ATAT1: variants seen among roughly 807,000 people sequenced by gnomAD.
ATAT1 encodes the protein alpha tubulin acetyltransferase 1.
ATAT1 carries 42 observed loss-of-function variants against 57.2 expected under a neutral mutation model. The ratio of observed to expected loss-of-function variants is 0.73; its 90% CI spans 0.57 to 0.95. The LOEUF (loss-of-function observed/expected upper bound fraction) is 0.95. ATAT1 is among the 40% of genes least tolerant of loss of function. ATAT1 has a pLI of 0.00. For synonymous variants in ATAT1, 168 were observed against 187.1 expected (o/e 0.90, Z 0.83); for missense variants, 454 against 523.7 (o/e 0.87, Z 1.30).
chr6:30,627,782 T>TC lies in ATAT1; in HGVS notation c.224+60dup, dbSNP rs1340853122. The stretch of plus-strand genomic sequence containing the variant: ...CTTAATTCCTTCCTTCCTCAGCCCT[T>TC]CCCCCATCTTTGACTATCTCTTGCA... On this transcript the variant is annotated intron_variant, in intron 3 of 12. Transcript: ENST00000330083. The TC allele has an allele frequency of 4.4e-6, 7 of 1,604,364 alleles. No homozygotes were observed. In the East Asian group the frequency reaches 1.6e-4, roughly 36 times the overall value.
chr6:30,630,943 CAAAA>C, intron 6 of ATAT1, among the ~76,000 whole-genome samples: 1 of 112,292 alleles, frequency 8.9e-6, no homozygotes, highest in East Asian at 2.4e-4. Flanking sequence ...TGTCTCGGAA[CAAAA>C]AAAAAAAACA....
chr6:30,645,596 CAT>C (rs1227614322), intron 10 of ATAT1, among the ~76,000 whole-genome samples: 5 of 152,302 alleles, frequency 3.3e-5, no homozygotes, highest in African/African-American at 9.6e-5. Context: ...TTTTTGACCA[CAT>C]GTGAGTCTGT....
chr6:30,643,688 C>A, intron 10 of ATAT1: 1 of 1,498,668 alleles, frequency 6.7e-7, no homozygotes, highest in South Asian at 1.3e-5. Context: ...CATAGGATTC[C>A]CTCTTCTACT....
intron 8 of ATAT1, chr6:30,641,823 A>G (rs1289872374): frequency 9.1e-7 from 1 of 1,096,208 alleles, no homozygotes; most frequent in Non-Finnish European, 1.1e-6. Context: ...GGCTGGGACC[A>G]TTCCACTGCC....
Position 30,646,733 on chromosome 6 carries a change from T to C in ATAT1, c.*90T>C. On this transcript the variant is annotated 3_prime_UTR_variant, in exon 13 of 13. Coordinates refer to ENST00000330083, the MANE Select transcript of ATAT1 (RefSeq NM_001031722.4). ...CAACCCTCATAATAGATGGATACAT[T>C]CATTCATTCATTCATTCAGCAGGCT... The C allele has an allele frequency of 7.5e-7, 1 of 1,327,130 alleles. No homozygotes were observed. Among genetic ancestry groups the C allele is most frequent in the Non-Finnish European group, 9.9e-7 (1 of 1,007,466 alleles). The allele number at this position is 1,327,130 out of a possible 1,614,324, so 82.2% of individuals were successfully genotyped here.
intron 1 of ATAT1, 25 bp from the exon 2 acceptor site, chr6:30,627,435 C>G: frequency 6.2e-7 from 1 of 1,609,730 alleles, no homozygotes; most frequent in Non-Finnish European, 8.5e-7. Flanking sequence ...GAGTATCTGA[C>G]TCTTTATTTC....
At chr6:30,636,571 G>A (rs1298441982) in intron 6 of ATAT1, among the ~76,000 whole-genome samples, 1 of 151,686 alleles carries the variant, frequency 6.6e-6, no homozygotes, top group Non-Finnish European at 1.5e-5. Flanking sequence ...GGGCGACAGA[G>A]CAAGACACTG....
At chr6:30,636,970 C>T (rs1166259276) in intron 6 of ATAT1, among the ~76,000 whole-genome samples, 1 of 151,990 alleles carries the variant, frequency 6.6e-6, no homozygotes, top group South Asian at 2.1e-4. Flanking sequence ...CACCACCACA[C>T]CTGGCTAATT....
intron 6 of ATAT1, among the ~76,000 whole-genome samples, chr6:30,631,212 G>A (rs1204056681): frequency 6.6e-6 from 1 of 152,068 alleles, no homozygotes; most frequent in Non-Finnish European, 1.5e-5. Flanking sequence ...GGCCGGGCAC[G>A]GTGGCTCATG....
At position 30,646,539 on chromosome 6, in the gene ATAT1, C is replaced by A. The variant is rs749216165; in HGVS notation, c.1126C>A (p.Gln376Lys). The change falls in exon 13 of 13, where the codon CAG becomes AAG. Residue 376 changes from glutamine to lysine, a missense_variant. Transcript: ENST00000330083. ...GAAGCCCATGCACACAGCTCCTCCA[C>A]AGGCCCCGGCCCCGCCAGCCCAGTC... 6.3e-6 allele frequency: 10 copies of A among 1,589,062 alleles called. No individual in the cohort carries two copies. The highest frequency in any genetic ancestry group is 2.3e-5 in the East Asian group (1 of 43,658).
intron 6 of ATAT1, among the ~76,000 whole-genome samples, chr6:30,629,096 C>T (rs575710367): frequency 6.6e-6 from 1 of 151,772 alleles, no homozygotes; most frequent in East Asian, 1.9e-4. Flanking sequence ...GATGAGGTCT[C>T]ACTATGTTGC....
At chr6:30,642,117 G>A in intron 8 of ATAT1, 59 bp from the exon 9 acceptor site, 1 of 1,611,110 alleles carries the variant, frequency 6.2e-7, no homozygotes, top group Non-Finnish European at 8.5e-7. Flanking sequence ...GTGGCTGGGA[G>A]GAGGGGTGCA....
At chr6:30,639,757 G>A (rs894517067) in intron 6 of ATAT1, among the ~76,000 whole-genome samples, 1 of 152,118 alleles carries the variant, frequency 6.6e-6, no homozygotes, top group Non-Finnish European at 1.5e-5. Context: ...GATTACAGGC[G>A]TGAGCCACCG....
At chr6:30,634,663 G>GAAA (rs9278741) in intron 6 of ATAT1, among the ~76,000 whole-genome samples, 7 of 84,216 alleles carry the variant, frequency 8.3e-5, no homozygotes, top group Non-Finnish European at 1.3e-4. Flanking sequence ...CTCAAAGGAG[G>GAAA]AAAAAAAAAA....
chr6:30,641,922 AGAGTCTCCCCTTC>A (rs1489802861), intron 8 of ATAT1: 9 of 1,313,110 alleles, frequency 6.9e-6, no homozygotes, highest in Non-Finnish European at 8.8e-6. Flanking sequence ...CCAGGCCCCC[AGAGTCTCCCCTTC>A]GATCTTTCTC....
At chr6:30,630,335 A>G (rs1235741795) in intron 6 of ATAT1, among the ~76,000 whole-genome samples, 1 of 151,922 alleles carries the variant, frequency 6.6e-6, no homozygotes, top group Non-Finnish European at 1.5e-5. Flanking sequence ...AATGAAAACA[A>G]AAACAGAAAA....
Position 30,627,198 on chromosome 6 carries a change from C to T in ATAT1, c.-6C>T, listed in dbSNP as rs1442820153. 3.1e-6 allele frequency: 5 copies of T among 1,613,848 alleles called. No individual in the cohort carries two copies. The highest frequency in any genetic ancestry group is 4.2e-6 in the Non-Finnish European group (5 of 1,179,892). On this transcript the variant is annotated 5_prime_UTR_variant, in exon 1 of 13. Coordinates refer to ENST00000330083, the MANE Select transcript of ATAT1 (RefSeq NM_001031722.4). Reference sequence around the variant, plus strand: ...CACCCCGGGCCCAAAATGTCCCAATCAAAGGATGTGGTTGACCTGGCCTTT... The same window carrying T: ...CACCCCGGGCCCAAAATGTCCCAATTAAAGGATGTGGTTGACCTGGCCTTT...
Position 30,645,875 on chromosome 6 carries a change from A to C in ATAT1, c.933-20A>C. 6.8e-7 allele frequency: 1 copy of C among 1,460,926 alleles called. No individual in the cohort carries two copies. Among genetic ancestry groups the C allele is most frequent in the Non-Finnish European group, 9.1e-7 (1 of 1,104,702 alleles). The allele number at this position is 1,460,926 out of a possible 1,614,324, so 90.5% of individuals were successfully genotyped here. A position where few individuals can be genotyped will look rare whatever the true frequency, so the allele number is the denominator to read the frequency against. On this transcript the variant is annotated intron_variant, in intron 10 of 12. Transcript: ENST00000330083. The stretch of plus-strand genomic sequence containing the variant: ...TTCATCCAGTAGCCTCCTCCCCATC[A>C]TCTCCCATTTCTTCTACAGGGGGAC...
chr6:30,646,274 G>A, intron 12 of ATAT1, 165 bp downstream of exon 12: 1 of 1,454,372 alleles, frequency 6.9e-7, no homozygotes, highest in Non-Finnish European at 9.1e-7. Context: ...TTCCCCCACA[G>A]GTTCAACTCT....
Sources: allele counts gnomAD v4.1 joint callset (sites outside exome capture counted in the v4.1 genomes callset), GRCh38; gene constraint gnomAD v4.1.1; transcripts MANE v1.5; gene names NCBI Gene and HGNC (gene_info 2026-07-23, HGNC 2026-07-21).